The following SDC2 variants were observed in gnomAD, a reference collection of about 807,000 sequenced individuals.
The protein encoded by SDC2 is syndecan 2.
Under a neutral mutation model 22.2 loss-of-function variants are expected in SDC2, and 13 were observed. The observed-to-expected ratio is 0.59, with a 90% confidence interval of 0.38 to 0.93. The LOEUF (loss-of-function observed/expected upper bound fraction) is 0.93. SDC2 is among the 40% of genes least tolerant of loss of function. The pLI is 0.00. For synonymous variants in SDC2, 94 were observed against 92.8 expected (o/e 1.01, Z -0.07); for missense variants, 235 against 246.8 (o/e 0.95, Z 0.32).
intron 1 of SDC2, among the ~76,000 whole-genome samples, chr8:96,583,807 CT>C (rs1279274794): frequency 6.6e-6 from 1 of 151,588 alleles, no homozygotes; most frequent in Non-Finnish European, 1.5e-5. Context: ...GTTACAAACA[CT>C]TTTACTTATT....
At chr8:96,578,232 GT>G (rs1814535775) in intron 1 of SDC2, among the ~76,000 whole-genome samples, 1 of 152,192 alleles carries the variant, frequency 6.6e-6, no homozygotes, top group African/African-American at 2.4e-5. Flanking sequence ...TCCAACAGCA[GT>G]TTCTTAAATT....
Position 96,533,569 on chromosome 8 carries a change from C to A in SDC2, c.60+39238C>A, listed in dbSNP as rs537878556. Among the ~76,000 whole-genome samples the A allele has an allele frequency of 3.3e-5, 5 of 152,150 alleles. 1 individual carries two copies. In the East Asian group the frequency reaches 5.8e-4, roughly 18 times the overall value. On this transcript the variant is annotated intron_variant, in intron 1 of 4. Coordinates refer to ENST00000302190, the MANE Select transcript of SDC2 (RefSeq NM_002998.4). ...CCAAGTCCCCACCAGATTAGCTAGA[C>A]ACAGAGTGCTGATTGGTGCATTCAC... is the stretch of plus-strand genomic sequence containing the variant.
intron 1 of SDC2, among the ~76,000 whole-genome samples, chr8:96,517,141 G>C (rs1326367893): frequency 3.9e-5 from 6 of 152,132 alleles, no homozygotes; most frequent in Non-Finnish European, 7.4e-5. Flanking sequence ...TCCCTATTGG[G>C]TATGAAGTGG....
intron 1 of SDC2, among the ~76,000 whole-genome samples, chr8:96,537,799 T>C (rs182115059): frequency 6.6e-6 from 1 of 152,298 alleles, no homozygotes; most frequent in Admixed American, 6.5e-5. Context: ...GACTTAAAAA[T>C]ACCTGTCAGT....
intron 1 of SDC2, among the ~76,000 whole-genome samples, chr8:96,577,901 T>C (rs1814530881): frequency 6.6e-6 from 1 of 152,250 alleles, no homozygotes. Flanking sequence ...TCATGTCTTT[T>C]TGATGGCTTG....
At chr8:96,505,229 G>A (rs945654514) in intron 1 of SDC2, among the ~76,000 whole-genome samples, 11 of 152,150 alleles carry the variant, frequency 7.2e-5, no homozygotes, top group African/African-American at 2.7e-4. Flanking sequence ...GTTAAGACTG[G>A]AAAATCTTTG....
intron 1 of SDC2, among the ~76,000 whole-genome samples, chr8:96,530,970 C>T (rs918261722): frequency 1.3e-5 from 2 of 152,056 alleles, no homozygotes; most frequent in Non-Finnish European, 2.9e-5. Flanking sequence ...CACAGCACAC[C>T]CTGGGGAAAT....
intron 1 of SDC2, among the ~76,000 whole-genome samples, chr8:96,527,876 CTATG>C (rs1420636893): frequency 1.3e-5 from 2 of 152,066 alleles, no homozygotes; most frequent in African/African-American, 4.8e-5. Context: ...ATTTGGAAGA[CTATG>C]TATATTACAT....
At chr8:96,517,089 A>G (rs1405465453) in intron 1 of SDC2, among the ~76,000 whole-genome samples, 1 of 152,186 alleles carries the variant, frequency 6.6e-6, no homozygotes, top group Non-Finnish European at 1.5e-5. Flanking sequence ...GTTTTTCCAC[A>G]TCCTCATCAA....
At chr8:96,569,378 C>G (rs915365993) in intron 1 of SDC2, among the ~76,000 whole-genome samples, 6 of 152,138 alleles carry the variant, frequency 3.9e-5, no homozygotes, top group Non-Finnish European at 8.8e-5. Flanking sequence ...GACTTTCACC[C>G]CAGTTCTAGG....
At chr8:96,524,825 A>C (rs941240042) in intron 1 of SDC2, among the ~76,000 whole-genome samples, 2 of 152,154 alleles carry the variant, frequency 1.3e-5, no homozygotes, top group African/African-American at 2.4e-5. Flanking sequence ...ATGAGACCTA[A>C]TATAGTATCA....
rs1247822153 is a variant in SDC2 at position 96,576,450 on chromosome 8, C to T, written c.61-17030C>T. 1.4e-4 allele frequency among the ~76,000 whole-genome samples: 6 copies of T among 43,026 alleles called. No homozygotes were observed. The South Asian group carries it at 3.8e-3, about 27-fold the overall frequency. 28.2% of individuals were successfully genotyped at this position (43,026 alleles called of 152,430 possible). ...TTTTTTTTTTTTTGAGACGGAGTCT[C>T]GCTCTGTCGCCCAGGCTGGAGTGCA... is the stretch of plus-strand genomic sequence containing the variant. On this transcript the variant is annotated intron_variant, in intron 1 of 4. Coordinates refer to ENST00000302190, the MANE Select transcript of SDC2 (RefSeq NM_002998.4).
At chr8:96,534,073 G>A (rs990719810) in intron 1 of SDC2, among the ~76,000 whole-genome samples, 3 of 152,200 alleles carry the variant, frequency 2.0e-5, no homozygotes, top group Non-Finnish European at 2.9e-5. Context: ...CTCACTGCCC[G>A]GGGCCGGCGG....
intron 1 of SDC2, among the ~76,000 whole-genome samples, chr8:96,546,133 C>T (rs1409333257): frequency 3.3e-5 from 5 of 152,308 alleles, no homozygotes; most frequent in African/African-American, 1.2e-4. Context: ...AAGGTAGCCT[C>T]CTTAATCCAC....
intron 1 of SDC2, among the ~76,000 whole-genome samples, chr8:96,550,285 C>T (rs922227936): frequency 6.6e-6 from 1 of 152,114 alleles, no homozygotes; most frequent in East Asian, 1.9e-4. Context: ...ACGTGACACA[C>T]AAAGAAATGC....
intron 1 of SDC2, among the ~76,000 whole-genome samples, chr8:96,564,483 T>C (rs1022530038): frequency 6.6e-6 from 1 of 152,236 alleles, no homozygotes; most frequent in Non-Finnish European, 1.5e-5. Context: ...TGCATTTTGC[T>C]GGTGTAGAAT....
chr8:96,552,030 A>G (rs1418726212), intron 1 of SDC2, among the ~76,000 whole-genome samples: 6 of 152,146 alleles, frequency 3.9e-5, no homozygotes, highest in South Asian at 2.1e-4. Context: ...ATGTCCCCCA[A>G]TTTGAGCAAG....
At chr8:96,501,982 T>G (rs1813172747) in intron 1 of SDC2, among the ~76,000 whole-genome samples, 2 of 82,998 alleles carry the variant, frequency 2.4e-5, no homozygotes, top group Admixed American at 2.6e-4. Flanking sequence ...TGAGTGTTCA[T>G]TGTTTACTAG....
chr8:96,567,011 G>A (rs937888933), intron 1 of SDC2, among the ~76,000 whole-genome samples: 4 of 152,178 alleles, frequency 2.6e-5, no homozygotes, highest in East Asian at 1.9e-4. Context: ...CAATCACCAC[G>A]CCCGGCTAAT....
Sources: gnomAD v4.1 joint callset for allele counts (sites outside exome capture counted in the v4.1 genomes callset) on GRCh38, gnomAD v4.1.1 for gene constraint, MANE v1.5 for transcripts, NCBI Gene and HGNC (gene_info 2026-07-23, HGNC 2026-07-21) for gene names.